Variants in AXDND1 observed in about 807,000 individuals in gnomAD.
AXDND1 encodes the protein axonemal dynein light chain domain containing 1, also known as axonemal dynein light chain domain-containing protein 1.
AXDND1 carries 110 observed loss-of-function variants against 137.5 expected under a neutral mutation model. The observed-to-expected ratio is 0.80, with a 90% confidence interval of 0.69 to 0.94. AXDND1 has a LOEUF of 0.94. AXDND1 is among the 40% of genes least tolerant of loss of function. AXDND1 has a pLI of 0.00. For synonymous variants in AXDND1, 414 were observed against 399.7 expected (o/e 1.04, Z -0.43); for missense variants, 1,191 against 1,169.8 (o/e 1.02, Z -0.26).
At chr1:179,382,245 A>AT (rs34323172) in intron 6 of AXDND1, among the ~76,000 whole-genome samples, 43,906 of 150,396 alleles carry the variant, frequency 0.29, 6,542 homozygotes, top group Non-Finnish European at 0.31. Context: ...TGCCCGGCTA[A>AT]TTCTTTTGTA....
chr1:179,436,116 G>A (rs1011269884), intron 15 of AXDND1, among the ~76,000 whole-genome samples: 1 of 152,134 alleles, frequency 6.6e-6, no homozygotes, highest in African/African-American at 2.4e-5. Context: ...CTGATAATTA[G>A]AGAAATGCAA....
At chr1:179,449,986 G>T (rs1660307211) in intron 16 of AXDND1, 1 of 91,210 alleles carries the variant, frequency 1.1e-5, no homozygotes, top group African/African-American at 3.9e-5. Flanking sequence ...TTGCCAATCT[G>T]GATTTTTTTT....
At chr1:179,470,002 A>G (rs986587543) in intron 17 of AXDND1, among the ~76,000 whole-genome samples, 1 of 152,074 alleles carries the variant, frequency 6.6e-6, no homozygotes, top group Admixed American at 6.6e-5. Flanking sequence ...ATTTTTGTAT[A>G]TGGTATGTGG....
intron 15 of AXDND1, 87 bp from the exon 16 acceptor site, chr1:179,444,883 G>A: frequency 1.2e-6 from 1 of 831,028 alleles, no homozygotes; most frequent in South Asian, 1.9e-5. Context: ...AAATAATTGG[G>A]AGTCACTGGG....
intron 12 of AXDND1, among the ~76,000 whole-genome samples, chr1:179,418,196 C>G (rs868601853): frequency 7.4e-4 from 112 of 150,794 alleles, no homozygotes; most frequent in African/African-American, 1.9e-3. Context: ...TGACTCTTAA[C>G]GAGCATGCTG....
chr1:179,549,933 C>T (rs1673038989), intron 25 of AXDND1, among the ~76,000 whole-genome samples: 4 of 151,958 alleles, frequency 2.6e-5, no homozygotes, highest in Admixed American at 2.6e-4. Flanking sequence ...CTAGGAGTTC[C>T]CCAACCCATG....
intron 23 of AXDND1, among the ~76,000 whole-genome samples, chr1:179,530,675 G>A (rs1670962466): frequency 6.6e-6 from 1 of 152,142 alleles, no homozygotes; most frequent in African/African-American, 2.4e-5. Context: ...TTGAAAAGTT[G>A]CTGCTGCTAC....
At chr1:179,422,603 A>G (rs1461134416) in intron 12 of AXDND1, among the ~76,000 whole-genome samples, 1 of 152,214 alleles carries the variant, frequency 6.6e-6, no homozygotes, top group Non-Finnish European at 1.5e-5. Flanking sequence ...ATGAATGTGT[A>G]TTCCTTAACA....
intron 18 of AXDND1, among the ~76,000 whole-genome samples, chr1:179,489,232 AAAGAATTACATATCTTTAGG>A (rs371802671): frequency 0.056 from 8,385 of 150,114 alleles, 289 homozygotes; most frequent in Non-Finnish European, 0.063. Flanking sequence ...ATCTCATTAA[AAAGAATTACATATCTTTAGG>A]AAAGTAAAAG....
chr1:179,452,784 T>C (rs1660733666), intron 16 of AXDND1: 2 of 148,892 alleles, frequency 1.3e-5, no homozygotes, highest in Admixed American at 1.3e-4. Flanking sequence ...ACTTAAGTAA[T>C]GGGGAGCCAA....
intron 16 of AXDND1, chr1:179,447,574 A>C: frequency 1.0e-6 from 1 of 963,450 alleles, no homozygotes; most frequent in Non-Finnish European, 1.5e-6. Flanking sequence ...TAAAGAATGA[A>C]GTTGAAGAAA....
chr1:179,494,564 G>A (rs1247992042), intron 20 of AXDND1, among the ~76,000 whole-genome samples: 1 of 142,964 alleles, frequency 7.0e-6, no homozygotes, highest in African/African-American at 2.6e-5. Context: ...TCCTAAGATA[G>A]TATTTTACTA....
intron 12 of AXDND1, among the ~76,000 whole-genome samples, chr1:179,422,855 G>C (rs6425542): frequency 0.64 from 97,661 of 151,802 alleles, 31,765 homozygotes; most frequent in Middle Eastern, 0.71. Context: ...CCTCCGCCTC[G>C]TGGGTTCAAG....
At position 179,460,415 on chromosome 1, in the gene AXDND1, T is replaced by C. The variant is rs373849006; in HGVS notation, c.1799-8028T>C. On this transcript the variant is annotated intron_variant, in intron 16 of 25. Coordinates refer to ENST00000367618, the MANE Select transcript of AXDND1 (RefSeq NM_144696.6). Reference sequence around the variant, plus strand: ...GGGCTGCATAGTATTCCATGGTGTATATATGCCACATTTTCTTAATCCCCA... The same window carrying C: ...GGGCTGCATAGTATTCCATGGTGTACATATGCCACATTTTCTTAATCCCCA... Among the ~76,000 whole-genome samples, 6 of 152,322 alleles carry C rather than the reference T, an allele frequency of 3.9e-5. No homozygotes were observed. In the South Asian group the frequency reaches 8.3e-4, roughly 21 times the overall value.
chr1:179,463,949 GT>G (rs200165794), intron 16 of AXDND1, among the ~76,000 whole-genome samples: 2 of 151,462 alleles, frequency 1.3e-5, no homozygotes, highest in South Asian at 2.1e-4. Context: ...AACCTCTGCT[GT>G]TTTTTTTCCC....
intron 19 of AXDND1, 94 bp downstream of exon 19, chr1:179,491,831 T>G: frequency 1.8e-6 from 2 of 1,121,268 alleles, no homozygotes; most frequent in South Asian, 3.9e-5. Flanking sequence ...GGAGTTATTT[T>G]AAAACCTTGA....
In AXDND1 at chr1:179,447,121, A is replaced by G. The variant is rs186514326; in HGVS notation, c.1798+1917A>G. On this transcript the variant is annotated intron_variant, in intron 16 of 25. Transcript: ENST00000367618. ...TACTTCATCTACAATGTTGCTAACTATAGTCACCCTTCTCTCCTATTGAAT... is the reference window on the plus strand; with the variant it reads ...TACTTCATCTACAATGTTGCTAACTGTAGTCACCCTTCTCTCCTATTGAAT... Among the ~76,000 whole-genome samples, 216 of 152,282 alleles carry G rather than the reference A, an allele frequency of 1.4e-3. 2 individuals are homozygous for G. The highest frequency in any genetic ancestry group is 5.0e-3 in the African/African-American group (208 of 41,562).
chr1:179,505,592 G>A (rs1928003), intron 20 of AXDND1, among the ~76,000 whole-genome samples: 99 of 150,850 alleles, frequency 6.6e-4, no homozygotes, highest in African/African-American at 2.0e-3. Flanking sequence ...AGGTTGTGCC[G>A]AGCCGAGATT....
chr1:179,431,441 C>T lies in AXDND1; in HGVS notation c.1488-826C>T, dbSNP rs1657355061. On this transcript the variant is annotated intron_variant, in intron 14 of 25. Transcript: ENST00000367618. Reference sequence around the variant, plus strand: ...ACAGGCATGAGCCACCATGCCCAGCCTGGACTAGATGATTTCTAAGGTTTT... The same window carrying T: ...ACAGGCATGAGCCACCATGCCCAGCTTGGACTAGATGATTTCTAAGGTTTT... 2.6e-5 allele frequency among the ~76,000 whole-genome samples: 4 copies of T among 151,390 alleles called. No homozygotes were observed. In the South Asian group the frequency reaches 8.5e-4, roughly 32 times the overall value.
Sources: allele counts gnomAD v4.1 joint callset (sites outside exome capture counted in the v4.1 genomes callset), GRCh38; gene constraint gnomAD v4.1.1; transcripts MANE v1.5; gene names NCBI Gene and HGNC (gene_info 2026-07-23, HGNC 2026-07-21).